FEM1B: variants seen among roughly 807,000 people sequenced by gnomAD.
The protein encoded by FEM1B is protein fem-1 homolog B.
A neutral mutation model predicts 38.6 loss-of-function variants in FEM1B; 10 were observed. That is an observed-to-expected ratio of 0.26 (90% CI 0.16 to 0.44). FEM1B has a LOEUF of 0.44. Ranked by LOEUF, FEM1B falls within the 20% of genes least tolerant of loss-of-function variation. The pLI is 1.00. For synonymous variants in FEM1B, 288 were observed against 288.0 expected, an observed-to-expected ratio of 1.00 and a Z score of 0.00; for missense variants, 471 against 786.7, an observed-to-expected ratio of 0.60 and a Z score of 4.80.
intron 1 of FEM1B, among the ~76,000 whole-genome samples, chr15:68,285,424 A>G (rs1328506092): frequency 1.3e-5 from 2 of 152,232 alleles, no homozygotes; most frequent in African/African-American, 4.8e-5. Context: ...TTTAACTAAC[A>G]GATATTGCCA....
At position 68,278,751 on chromosome 15, in the gene FEM1B, T is replaced by G; in HGVS notation, c.248+86T>G. 15 of 1,491,124 alleles carry G rather than the reference T, an allele frequency of 1.0e-5. No homozygotes were observed. The highest frequency in any genetic ancestry group is 1.4e-5 in the Non-Finnish European group (15 of 1,081,720). The allele number at this position is 1,491,124 out of a possible 1,614,324, so 92.4% of individuals were successfully genotyped here. ...TCCCCTCCCTCACCCTCTCTTACCC[T>G]CTCTTCATGTAGGTACTCACTTCTC... On this transcript the variant is annotated intron_variant, in intron 1 of 1. Coordinates refer to ENST00000306917, the MANE Select transcript of FEM1B (RefSeq NM_015322.5). The surrounding 1 kb of genome is among the most constrained non-coding windows in gnomAD (Gnocchi z 5.7).
In FEM1B at chr15:68,288,823, A is replaced by C. The variant is rs1292067566; in HGVS notation, c.249-784A>C. The stretch of plus-strand genomic sequence containing the variant: ...AAACTTTTAAATTGGAGCATAACGT[A>C]ACTTAGAGAAAAATGCACTAATTAT... On this transcript the variant is annotated intron_variant, in intron 1 of 1. Coordinates refer to ENST00000306917, the MANE Select transcript of FEM1B (RefSeq NM_015322.5). This position sits in a 1 kb window ranked among gnomAD's most constrained non-coding sequence, Gnocchi z 4.6. 6.6e-6 allele frequency among the ~76,000 whole-genome samples: 1 copy of C among 152,228 alleles called. No individual in the cohort carries two copies. The highest frequency in any genetic ancestry group is 1.5e-5 in the Non-Finnish European group (1 of 68,036).
In FEM1B at chr15:68,281,687, G is replaced by A. The variant is rs950766895; in HGVS notation, c.248+3022G>A. Among the ~76,000 whole-genome samples the A allele has an allele frequency of 2.0e-5, 3 of 151,930 alleles. No homozygotes were observed. Among genetic ancestry groups the A allele is most frequent in the Admixed American group, 1.3e-4 (2 of 15,262 alleles). ...GGCTGGAGTGCAGTGGCGCGATCTC[G>A]GCTCACTGCAAGCTCTGCCTTCCGG... On this transcript the variant is annotated intron_variant, in intron 1 of 1. Coordinates refer to ENST00000306917, the MANE Select transcript of FEM1B (RefSeq NM_015322.5). This position sits in a 1 kb window ranked among gnomAD's most constrained non-coding sequence, Gnocchi z 5.1.
In FEM1B at chr15:68,288,790, A is replaced by G. The variant is rs1892816009; in HGVS notation, c.249-817A>G. 6.6e-6 allele frequency among the ~76,000 whole-genome samples: 1 copy of G among 152,216 alleles called. No individual in the cohort carries two copies. The highest frequency in any genetic ancestry group is 6.5e-5 in the Admixed American group (1 of 15,280). On this transcript the variant is annotated intron_variant, in intron 1 of 1. Coordinates refer to ENST00000306917, the MANE Select transcript of FEM1B (RefSeq NM_015322.5). This position sits in a 1 kb window ranked among gnomAD's most constrained non-coding sequence, Gnocchi z 4.6. The stretch of plus-strand genomic sequence containing the variant: ...AGTATATGCACACACATATACATAT[A>G]CATTTTAAAACTTTTAAATTGGAGC...
At chr15:68,279,197 G>A (rs796792476) in intron 1 of FEM1B, among the ~76,000 whole-genome samples, 1 of 152,248 alleles carries the variant, frequency 6.6e-6, no homozygotes, top group South Asian at 2.1e-4. Context: ...ATGAGGGATT[G>A]TCACGCAGCC....
chr15:68,278,098 GGGTCCGGCCTGAGGCCC>G lies in FEM1B; in HGVS notation c.-317_-301del. The G allele has an allele frequency of 7.2e-6, 2 of 277,094 alleles. No individual in the cohort carries two copies. Among genetic ancestry groups the G allele is most frequent in the Non-Finnish European group, 1.4e-5 (2 of 147,200 alleles). 17.2% of individuals were successfully genotyped at this position (277,094 alleles called of 1,614,324 possible). A position where few individuals can be genotyped will look rare whatever the true frequency, so the allele number is the denominator to read the frequency against. On this transcript the variant is annotated 5_prime_UTR_variant, in exon 1 of 2. Coordinates refer to ENST00000306917, the MANE Select transcript of FEM1B (RefSeq NM_015322.5). This position sits in a 1 kb window ranked among gnomAD's most constrained non-coding sequence, Gnocchi z 5.7. Reference sequence around the variant, plus strand: ...GCCTGTCGCATCCCGCAGGAAGGAGGGGTCCGGCCTGAGGCCCGGGGCGGCGTCCGCCATGGAGATCC... The same window carrying G: ...GCCTGTCGCATCCCGCAGGAAGGAGGGGGGCGGCGTCCGCCATGGAGATCC...
In FEM1B at chr15:68,290,728, C is replaced by T. The variant is rs778899859; in HGVS notation, c.1370C>T (p.Thr457Ile). 2 of 1,613,942 alleles carry T rather than the reference C, an allele frequency of 1.2e-6. No individual in the cohort carries two copies. Among genetic ancestry groups the T allele is most frequent in the African/African-American group, 2.7e-5 (2 of 74,918 alleles). Residue 457 changes from threonine (T) to isoleucine (I), a missense_variant, in exon 2 of 2, where the codon ACA becomes ATA. By Grantham distance (89) the Thr-to-Ile change is moderately conservative (BLOSUM62 -1). Transcript: ENST00000306917. This position sits in a 1 kb window ranked among gnomAD's most constrained non-coding sequence, Gnocchi z 9.7. ...TATTTAGTGTGCATCTCTACCAAAA[C>T]ACAGTGCAGCGAAGAAGATCAGTGC... Reference protein sequence around the residue: ...FLYLVCISTKTQCSEEDQCKI... With the variant: ...FLYLVCISTKIQCSEEDQCKI...
chr15:68,284,166 T>C lies in FEM1B; in HGVS notation c.249-5441T>C, dbSNP rs1892758475. Among the ~76,000 whole-genome samples, 1 of 152,164 alleles carries C rather than the reference T, an allele frequency of 6.6e-6. No individual in the cohort carries two copies. Among genetic ancestry groups the C allele is most frequent in the Non-Finnish European group, 1.5e-5 (1 of 68,022 alleles). On this transcript the variant is annotated intron_variant, in intron 1 of 1. Coordinates refer to ENST00000306917, the MANE Select transcript of FEM1B (RefSeq NM_015322.5). This position sits in a 1 kb window ranked among gnomAD's most constrained non-coding sequence, Gnocchi z 4.4. ...TCCCAAAGTGTTGGGATTACAGACG[T>C]GAGCCACTGTGCCCAGCCCTCATAT...
Position 68,291,816 on chromosome 15 carries a change from T to A in FEM1B, c.*574T>A, listed in dbSNP as rs1278063513. 6.6e-6 allele frequency: 1 copy of A among 152,264 alleles called. No individual in the cohort carries two copies. Among genetic ancestry groups the A allele is most frequent in the Non-Finnish European group, 1.5e-5 (1 of 68,074 alleles). The allele number at this position is 152,264 out of a possible 1,614,324, so 9.4% of individuals were successfully genotyped here. A position where few individuals can be genotyped will look rare whatever the true frequency, so the allele number is the denominator to read the frequency against. On this transcript the variant is annotated 3_prime_UTR_variant, in exon 2 of 2. Coordinates refer to ENST00000306917, the MANE Select transcript of FEM1B (RefSeq NM_015322.5). This position sits in a 1 kb window ranked among gnomAD's most constrained non-coding sequence, Gnocchi z 6.9. ...AATAGCTGCAGATTAATCTGGAAAA[T>A]GTGCTAATTTAATAATAGTTACAAA...
rs1892681870 is a variant in FEM1B, at chr15:68,278,167, C to A, written c.-251C>A. On this transcript the variant is annotated 5_prime_UTR_variant, in exon 1 of 2. Coordinates refer to ENST00000306917, the MANE Select transcript of FEM1B (RefSeq NM_015322.5). This position sits in a 1 kb window ranked among gnomAD's most constrained non-coding sequence, Gnocchi z 5.7. The stretch of plus-strand genomic sequence containing the variant: ...CTCGGTCCAGGGCCGGCGCCTGGGA[C>A]CTGGCGGGCGGCCCTGACCGCCTTC... 2.2e-6 allele frequency: 1 copy of A among 450,664 alleles called. No homozygotes were observed. Among genetic ancestry groups the A allele is most frequent in the Non-Finnish European group, 3.9e-6 (1 of 255,044 alleles). The allele number at this position is 450,664 out of a possible 1,614,324, so 27.9% of individuals were successfully genotyped here.
In FEM1B at chr15:68,290,769, A is replaced by G; in HGVS notation, c.1411A>G (p.Ile471Val). Residue 471 changes from isoleucine (I) to valine (V), a missense_variant, in exon 2 of 2, where the codon ATC becomes GTC. Around this residue, in one of 3 missense-constraint regions of FEM1B, gnomAD observed 380 missense variants for 599.6 expected, o/e 0.63. Transcript: ENST00000306917. The surrounding 1 kb of genome is among the most constrained non-coding windows in gnomAD (Gnocchi z 9.7). ...EEDQCKINKQ[I>V]YNLIHLDPRT... ...AGATCAGTGCAAAATTAACAAGCAG[A>G]TCTACAACCTGATTCACCTTGATCC... 1.2e-6 allele frequency: 2 copies of G among 1,614,130 alleles called. No individual in the cohort carries two copies. Among genetic ancestry groups the G allele is most frequent in the Non-Finnish European group, 1.7e-6 (2 of 1,179,990 alleles).
intron 1 of FEM1B, among the ~76,000 whole-genome samples, chr15:68,287,637 T>C (rs559653732): frequency 4.2e-4 from 64 of 152,346 alleles, no homozygotes; most frequent in Non-Finnish European, 8.1e-4. Context: ...TGTGGTGTTA[T>C]AACAAAATAC....
At position 68,285,829 on chromosome 15, in the gene FEM1B, G is replaced by A. The variant is rs148403753; in HGVS notation, c.249-3778G>A. Among the ~76,000 whole-genome samples, 462 of 151,662 alleles carry A rather than the reference G, an allele frequency of 3.0e-3. 2 individuals carry two copies. Among genetic ancestry groups the A allele is most frequent in the Non-Finnish European group, 5.4e-3 (366 of 67,932 alleles). Reference sequence around the variant, plus strand: ...ATTACAGGTGTGAGCCACTGCACCTGGCCACTTAATCGCTTTGTTTATAAT... The same window carrying A: ...ATTACAGGTGTGAGCCACTGCACCTAGCCACTTAATCGCTTTGTTTATAAT... On this transcript the variant is annotated intron_variant, in intron 1 of 1. Coordinates refer to ENST00000306917, the MANE Select transcript of FEM1B (RefSeq NM_015322.5).
chr15:68,289,687 A>G lies in FEM1B; in HGVS notation c.329A>G (p.His110Arg). 6.2e-7 allele frequency: 1 copy of G among 1,614,200 alleles called. No individual in the cohort carries two copies. The highest frequency in any genetic ancestry group is 1.1e-5 in the South Asian group (1 of 91,082). The change falls in exon 2 of 2, where the codon CAT becomes CGT. Residue 110 changes from histidine to arginine, a missense_variant. Coordinates refer to ENST00000306917, the MANE Select transcript of FEM1B (RefSeq NM_015322.5). This position sits in a 1 kb window ranked among gnomAD's most constrained non-coding sequence, Gnocchi z 6.9. ...GAAGTTGTTAAACTTCTAGTCAGCC[A>G]TGGAGCCAACGTGAACCATACCACA... ...HFEVVKLLVS[H>R]GANVNHTTVT...
chr15:68,279,871 TG>T (rs1357345887), intron 1 of FEM1B: 1 of 152,194 alleles, frequency 6.6e-6, no homozygotes, highest in South Asian at 2.1e-4. Flanking sequence ...ATTAAGGAGA[TG>T]TTTTTTTTCA....
In FEM1B at chr15:68,291,077, T is replaced by A; in HGVS notation, c.1719T>A (p.Asn573Lys). Residue 573 changes from asparagine to lysine, a missense_variant, in exon 2 of 2, where the codon AAT becomes AAA. Physicochemically the swap from Asn to Lys is moderately conservative, Grantham distance 94. This residue lies in a region of FEM1B where 380 missense variants were observed against 599.6 expected (regional missense o/e 0.63). Coordinates refer to ENST00000306917, the MANE Select transcript of FEM1B (RefSeq NM_015322.5). The surrounding 1 kb of genome is among the most constrained non-coding windows in gnomAD (Gnocchi z 6.9). ...ACACTGACATGACGAATAAACAGAA[T>A]AAGACTCCGCTAGACAAAAGTACAA... The part of the protein sequence containing the change: ...GAHTDMTNKQ[N>K]KTPLDKSTTG... The A allele has an allele frequency of 6.2e-7, 1 of 1,614,090 alleles. No individual in the cohort carries two copies. The highest frequency in any genetic ancestry group is 8.5e-7 in the Non-Finnish European group (1 of 1,179,986).
At position 68,288,904 on chromosome 15, in the gene FEM1B, GCTTT is replaced by G. The variant is rs1205824289; in HGVS notation, c.249-700_249-697del. 3.6e-4 allele frequency among the ~76,000 whole-genome samples: 55 copies of G among 152,116 alleles called. 1 individual carries two copies. Among genetic ancestry groups the G allele is most frequent in the Admixed American group, 3.6e-3 (55 of 15,276 alleles). ...ATTTGTTTACTAGAGTCCCCTTTGT[GCTTT>G]CTCCCATTTCACTACCTCTCCCCAA... is the stretch of plus-strand genomic sequence containing the variant. On this transcript the variant is annotated intron_variant, in intron 1 of 1. Coordinates refer to ENST00000306917, the MANE Select transcript of FEM1B (RefSeq NM_015322.5). This position sits in a 1 kb window ranked among gnomAD's most constrained non-coding sequence, Gnocchi z 4.6.
In FEM1B at chr15:68,281,176, T is replaced by C. The variant is rs1892721927; in HGVS notation, c.248+2511T>C. Among the ~76,000 whole-genome samples the C allele has an allele frequency of 6.6e-6, 1 of 152,226 alleles. No homozygotes were observed. The stretch of plus-strand genomic sequence containing the variant: ...TAACAATAGAAAGCTGACTTGACCC[T>C]TGGGGGCTGACCTTTGAAAAACACA... On this transcript the variant is annotated intron_variant, in intron 1 of 1. Transcript: ENST00000306917. The surrounding 1 kb of genome is among the most constrained non-coding windows in gnomAD (Gnocchi z 5.1).
intron 1 of FEM1B, among the ~76,000 whole-genome samples, chr15:68,279,255 A>G (rs1365412835): frequency 6.6e-6 from 1 of 152,146 alleles, no homozygotes; most frequent in Non-Finnish European, 1.5e-5. Context: ...CTCGGTGTAG[A>G]TATATTGGCT....
Sources: gnomAD v4.1 joint callset for allele counts (sites outside exome capture counted in the v4.1 genomes callset) on GRCh38, gnomAD v4.1.1 for gene constraint, gnomAD v4.1.1 regional missense constraint, Gnocchi (gnomAD v3.1) non-coding constraint, MANE v1.5 for transcripts, NCBI Gene and HGNC (gene_info 2026-07-23, HGNC 2026-07-21) for gene names.